The following PALLD variants were observed in gnomAD, a reference collection of about 807,000 sequenced individuals.
PALLD encodes the protein palladin.
Under a neutral mutation model 123.5 loss-of-function variants are expected in PALLD, and 61 were observed. That is an observed-to-expected ratio of 0.49 (90% CI 0.40 to 0.61). PALLD has a LOEUF of 0.61. Among genes scored for constraint, PALLD ranks in the 20% least tolerant of loss-of-function variants. The pLI, the probability that PALLD is intolerant of heterozygous loss-of-function variation, is 0.00. For synonymous variants in PALLD, 465 were observed against 496.4 expected (o/e 0.94, Z 0.84); for missense variants, 1,273 against 1,377.0 (o/e 0.92, Z 1.20).
chr4:168,759,179 CAAAAAAAAAAAAAAA>C (rs1175955888), intron 10 of PALLD, among the ~76,000 whole-genome samples: 74 of 9,016 alleles, frequency 8.2e-3, no homozygotes, highest in Admixed American at 9.2e-3. Context: ...GACTCCATCT[CAAAAAAAAAAAAAAA>C]AAAAAAAAAT....
At chr4:168,863,358 C>G (rs1268307499) in intron 10 of PALLD, among the ~76,000 whole-genome samples, 1 of 152,186 alleles carries the variant, frequency 6.6e-6, no homozygotes, top group African/African-American at 2.4e-5. Context: ...CCGCGCAGAT[C>G]TCACCCTCCA....
chr4:168,661,366 C>T (rs902896740), intron 2 of PALLD, among the ~76,000 whole-genome samples: 1 of 152,156 alleles, frequency 6.6e-6, no homozygotes, highest in African/African-American at 2.4e-5. Context: ...TGCTTCCAGT[C>T]GATTCCTGCA....
intron 10 of PALLD, among the ~76,000 whole-genome samples, chr4:168,830,979 C>CCATT (rs370735550): frequency 6.0e-4 from 91 of 152,322 alleles, no homozygotes; most frequent in South Asian, 2.1e-3. Context: ...GTAGATATTA[C>CCATT]CATTCATTCA....
At chr4:168,628,327 G>A (rs544142522) in intron 2 of PALLD, among the ~76,000 whole-genome samples, 5 of 152,166 alleles carry the variant, frequency 3.3e-5, no homozygotes, top group East Asian at 1.9e-4. Flanking sequence ...CATCGTGTCC[G>A]TCCTCTTCTC....
intron 2 of PALLD, among the ~76,000 whole-genome samples, chr4:168,665,241 A>G (rs1004220875): frequency 6.6e-6 from 1 of 152,182 alleles, no homozygotes; most frequent in African/African-American, 2.4e-5. Flanking sequence ...TTTCCATGTT[A>G]TACTGAAATT....
chr4:168,604,979 C>T (rs760920537), intron 2 of PALLD, among the ~76,000 whole-genome samples: 39 of 152,136 alleles, frequency 2.6e-4, no homozygotes, highest in Non-Finnish European at 5.0e-4. Flanking sequence ...AAAGGAAAAA[C>T]GCCACAAAGC....
At chr4:168,637,755 C>A (rs1339560382) in intron 2 of PALLD, among the ~76,000 whole-genome samples, 1 of 151,962 alleles carries the variant, frequency 6.6e-6, no homozygotes, top group African/African-American at 2.4e-5. Context: ...ACCAGCCTGG[C>A]CAGCATGGCG....
At chr4:168,838,001 C>A (rs1167008690) in intron 10 of PALLD, among the ~76,000 whole-genome samples, 2 of 152,100 alleles carry the variant, frequency 1.3e-5, no homozygotes, top group Non-Finnish European at 2.9e-5. Flanking sequence ...GCAGTTCAGG[C>A]AAGTAGAGAA....
chr4:168,709,452 G>A (rs976042679), intron 9 of PALLD, among the ~76,000 whole-genome samples: 4 of 149,280 alleles, frequency 2.7e-5, no homozygotes, highest in African/African-American at 4.9e-5. Flanking sequence ...GGATGTGGCC[G>A]TGAGCCAAGA....
intron 6 of PALLD, among the ~76,000 whole-genome samples, chr4:168,687,922 A>AAAGCTCAGAGCCACTAG (rs942205899): frequency 2.0e-5 from 3 of 152,152 alleles, no homozygotes; most frequent in African/African-American, 7.2e-5. Flanking sequence ...AGAGCCACTG[A>AAAGCTCAGAGCCACTAG]AAGCTCAGAG....
At chr4:168,900,187 T>A (rs1756192685) in intron 14 of PALLD, among the ~76,000 whole-genome samples, 1 of 152,166 alleles carries the variant, frequency 6.6e-6, no homozygotes, top group South Asian at 2.1e-4. Context: ...AAACCATTCA[T>A]GAGGGATCCA....
intron 2 of PALLD, among the ~76,000 whole-genome samples, chr4:168,604,383 C>A (rs938937644): frequency 3.9e-5 from 6 of 152,178 alleles, no homozygotes; most frequent in African/African-American, 1.4e-4. Context: ...ATGAAACACA[C>A]AACACCCAGA....
intron 10 of PALLD, among the ~76,000 whole-genome samples, chr4:168,846,469 G>A (rs1211740858): frequency 2.0e-5 from 3 of 152,148 alleles, no homozygotes; most frequent in Non-Finnish European, 2.9e-5. Context: ...ATTATTTCTA[G>A]TTGCCTTAAA....
intron 2 of PALLD, among the ~76,000 whole-genome samples, chr4:168,514,645 C>T (rs551116454): frequency 4.6e-4 from 70 of 152,150 alleles, no homozygotes; most frequent in African/African-American, 1.3e-3. Context: ...GATTTTTTAA[C>T]CTATCAATCT....
intron 15 of PALLD, among the ~76,000 whole-genome samples, chr4:168,905,058 C>T (rs1757348824): frequency 2.0e-5 from 3 of 149,220 alleles, no homozygotes; most frequent in Admixed American, 6.7e-5. Context: ...ACCTGGGATG[C>T]GGAGGTTTCA....
rs1160662240 is a variant in PALLD at position 168,760,890 on chromosome 4, C to T, written c.1964+48967C>T. ...GAACAATGGTTTTTTTGTTATCCATCGAGTTCTGCCCTTCTCAAGAAGTAT... is the reference window on the plus strand; with the variant it reads ...GAACAATGGTTTTTTTGTTATCCATTGAGTTCTGCCCTTCTCAAGAAGTAT... On this transcript the variant is annotated intron_variant, in intron 10 of 21. Coordinates refer to ENST00000505667, the MANE Select transcript of PALLD (RefSeq NM_001166108.2). 2.6e-5 allele frequency among the ~76,000 whole-genome samples: 4 copies of T among 152,282 alleles called. No homozygotes were observed. In the East Asian group the frequency reaches 5.8e-4, roughly 22 times the overall value.
chr4:168,864,828 A>G (rs1016734759), intron 10 of PALLD, among the ~76,000 whole-genome samples: 2 of 152,200 alleles, frequency 1.3e-5, no homozygotes, highest in Non-Finnish European at 2.9e-5. Context: ...CAGCATTTTT[A>G]TTGTATTGGA....
At position 168,617,163 on chromosome 4, in the gene PALLD, C is replaced by T. The variant is rs78205231; in HGVS notation, c.909-51027C>T. The stretch of plus-strand genomic sequence containing the variant: ...AAGAATTTGACAACAATGAGCCTGC[C>T]ATAACAGGCCCAAATAGCCCAACTC... On this transcript the variant is annotated intron_variant, in intron 2 of 21. Transcript: ENST00000505667. 4.7e-3 allele frequency among the ~76,000 whole-genome samples: 710 copies of T among 152,246 alleles called. 38 individuals carry two copies. The East Asian group carries it at 0.12, about 25-fold the overall frequency.
intron 10 of PALLD, among the ~76,000 whole-genome samples, chr4:168,733,820 C>T (rs532394428): frequency 6.6e-5 from 10 of 152,254 alleles, no homozygotes; most frequent in Middle Eastern, 3.4e-3. Flanking sequence ...CTGCAAGCTC[C>T]GCCTCCCAGG....
Sources: gnomAD v4.1 joint callset for allele counts (sites outside exome capture counted in the v4.1 genomes callset) on GRCh38, gnomAD v4.1.1 for gene constraint, MANE v1.5 for transcripts, NCBI Gene and HGNC (gene_info 2026-07-23, HGNC 2026-07-21) for gene names.